NALCN: variants seen among roughly 807,000 people sequenced by gnomAD.
NALCN encodes sodium leak channel, non-selective.
NALCN carries 111 observed loss-of-function variants against 225.3 expected under a neutral mutation model. The observed-to-expected ratio is 0.49, with a 90% confidence interval of 0.42 to 0.58. NALCN has a LOEUF of 0.58. Ranked by LOEUF, NALCN falls within the 20% of genes least tolerant of loss-of-function variation. The probability of loss-of-function intolerance (pLI) is 0.00; values close to 1 mark genes in which losing one functional copy is unlikely to be tolerated. For synonymous variants in NALCN, 764 were observed against 769.0 expected, an observed-to-expected ratio of 0.99 and a Z score of 0.11; for missense variants, 1,378 against 2,202.4, an observed-to-expected ratio of 0.63 and a Z score of 7.49.
chr13:101,097,105 A>C (rs1349558847), intron 27 of NALCN, among the ~76,000 whole-genome samples: 2 of 152,142 alleles, frequency 1.3e-5, no homozygotes, highest in African/African-American at 4.8e-5. Flanking sequence ...AGTAATGCCA[A>C]CGTTACTTCT....
At chr13:101,105,023 A>T in intron 22 of NALCN, 73 bp from the exon 23 acceptor site, 2 of 1,334,612 alleles carry the variant, frequency 1.5e-6, no homozygotes, top group South Asian at 1.2e-5. Context: ...TCATATTTGC[A>T]AACATCTCAT....
At chr13:101,113,303 G>A (rs1007910014) in intron 18 of NALCN, among the ~76,000 whole-genome samples, 1 of 152,152 alleles carries the variant, frequency 6.6e-6, no homozygotes, top group African/African-American at 2.4e-5. Flanking sequence ...CAAGGCAATG[G>A]GAAGGAAGTT....
chr13:101,263,901 C>G (rs180866074), intron 10 of NALCN, among the ~76,000 whole-genome samples: 3 of 152,264 alleles, frequency 2.0e-5, no homozygotes, highest in Admixed American at 2.0e-4. Flanking sequence ...TTCACTTCAG[C>G]CAGTGCTTGA....
chr13:101,147,984 C>T (rs372692782), intron 15 of NALCN, among the ~76,000 whole-genome samples: 1 of 152,128 alleles, frequency 6.6e-6, no homozygotes, highest in Non-Finnish European at 1.5e-5. Flanking sequence ...CTCACAGAAG[C>T]TTTCTCTGAC....
chr13:101,121,863 C>T (rs1444772678), intron 18 of NALCN, among the ~76,000 whole-genome samples: 3 of 151,956 alleles, frequency 2.0e-5, no homozygotes, highest in Non-Finnish European at 4.4e-5. Context: ...AGTAAAAAGA[C>T]ACTGAAAAAG....
At chr13:101,190,119 T>C (rs1051884847) in intron 14 of NALCN, among the ~76,000 whole-genome samples, 3 of 152,158 alleles carry the variant, frequency 2.0e-5, no homozygotes, top group Admixed American at 2.0e-4. Context: ...CCAGCTTTCA[T>C]TTTTTGTGTC....
At chr13:101,320,927 G>C (rs1177796849) in intron 7 of NALCN, among the ~76,000 whole-genome samples, 2 of 152,100 alleles carry the variant, frequency 1.3e-5, no homozygotes, top group Non-Finnish European at 2.9e-5. Flanking sequence ...CCCAGGGTTA[G>C]AAGAAAGGGC....
intron 6 of NALCN, among the ~76,000 whole-genome samples, chr13:101,357,355 T>G (rs2046094899): frequency 6.6e-6 from 1 of 152,142 alleles, no homozygotes; most frequent in South Asian, 2.1e-4. Context: ...ACAAAATGGA[T>G]GTGCAAAAAT....
chr13:101,067,289 GGAGGGGGAA>G (rs1284835705), intron 39 of NALCN, among the ~76,000 whole-genome samples: 28 of 58,140 alleles, frequency 4.8e-4, no homozygotes, highest in African/African-American at 2.7e-3. Flanking sequence ...AGGGGGAAGA[GGAGGGGGAA>G]GAGGAGGGGG....
intron 11 of NALCN, among the ~76,000 whole-genome samples, chr13:101,257,389 C>A (rs1594542014): frequency 1.3e-5 from 2 of 152,042 alleles, no homozygotes; most frequent in East Asian, 3.8e-4. Context: ...TTCTTGATAT[C>A]CACGTAGATG....
intron 10 of NALCN, among the ~76,000 whole-genome samples, chr13:101,276,746 C>T (rs190464670): frequency 6.6e-6 from 1 of 152,174 alleles, no homozygotes; most frequent in African/African-American, 2.4e-5. Context: ...GTAAGAAGAT[C>T]TTTTATGTGC....
At chr13:101,096,016 C>A (rs927450514) in intron 27 of NALCN, among the ~76,000 whole-genome samples, 1 of 152,068 alleles carries the variant, frequency 6.6e-6, no homozygotes, top group Non-Finnish European at 1.5e-5. Flanking sequence ...TGATATATCA[C>A]CTCACACCCA....
chr13:101,056,570 G>A (rs1161337383), intron 43 of NALCN, among the ~76,000 whole-genome samples: 1 of 152,052 alleles, frequency 6.6e-6, no homozygotes, highest in Non-Finnish European at 1.5e-5. Context: ...CCCAATGGAA[G>A]TACTTTTGAC....
intron 6 of NALCN, among the ~76,000 whole-genome samples, chr13:101,352,954 G>T (rs2045948391): frequency 6.6e-6 from 1 of 152,150 alleles, no homozygotes; most frequent in African/African-American, 2.4e-5. Context: ...CATTCCATAA[G>T]AAATTGTCAG....
intron 15 of NALCN, among the ~76,000 whole-genome samples, chr13:101,161,965 A>G (rs1253670569): frequency 6.6e-6 from 1 of 151,738 alleles, no homozygotes; most frequent in Non-Finnish European, 1.5e-5. Context: ...TTCCACACTT[A>G]CTCTATACCA....
chr13:101,141,698 G>A (rs1421466915), intron 17 of NALCN, among the ~76,000 whole-genome samples: 2 of 151,912 alleles, frequency 1.3e-5, no homozygotes, highest in African/African-American at 4.8e-5. Flanking sequence ...AAGGGGAGGC[G>A]AGATAAAGAG....
At chr13:101,288,008 T>A (rs890632359) in intron 9 of NALCN, among the ~76,000 whole-genome samples, 10 of 152,312 alleles carry the variant, frequency 6.6e-5, no homozygotes, top group South Asian at 2.1e-4. Context: ...TACTTTGCAA[T>A]TTGCATGCTC....
chr13:101,335,767 T>C (rs1252843946), intron 7 of NALCN, among the ~76,000 whole-genome samples: 1 of 151,962 alleles, frequency 6.6e-6, no homozygotes, highest in Non-Finnish European at 1.5e-5. Flanking sequence ...TAGTCTTTAC[T>C]GGGCTTTTTC....
At chr13:101,122,484 A>C (rs1308218338) in intron 18 of NALCN, among the ~76,000 whole-genome samples, 2 of 152,196 alleles carry the variant, frequency 1.3e-5, no homozygotes, top group Non-Finnish European at 2.9e-5. Flanking sequence ...AGAGGTGTCT[A>C]TATTCCCTGA....
Sources: allele counts gnomAD v4.1 joint callset (sites outside exome capture counted in the v4.1 genomes callset), GRCh38; gene constraint gnomAD v4.1.1; transcripts MANE v1.5; gene names NCBI Gene and HGNC (gene_info 2026-07-23, HGNC 2026-07-21).